The following NBAS variants were observed in gnomAD, a reference collection of about 807,000 sequenced individuals.
The protein encoded by NBAS is NBAS subunit of NRZ tethering complex.
Under a neutral mutation model 302.5 loss-of-function variants are expected in NBAS, and 219 were observed. That is an observed-to-expected ratio of 0.72 (90% CI 0.65 to 0.81). The LOEUF (loss-of-function observed/expected upper bound fraction) is 0.81. Among genes scored for constraint, NBAS ranks in the 30% least tolerant of loss-of-function variants. The pLI is 0.00. For missense variants in NBAS, 2,932 were observed against 2,841.6 expected, an observed-to-expected ratio of 1.03 and a Z score of -0.72; for synonymous variants, 1,118 against 1,021.6, an observed-to-expected ratio of 1.09 and a Z score of -1.80.
At position 15,538,045 on chromosome 2, in the gene NBAS, G is replaced by A. The variant is rs535288396; in HGVS notation, c.513+1178C>T. Among the ~76,000 whole-genome samples, 167 of 152,044 alleles carry A rather than the reference G, an allele frequency of 1.1e-3. 1 individual carries two copies. The highest frequency in any genetic ancestry group is 1.9e-3 in the Non-Finnish European group (131 of 67,984). On this transcript the variant is annotated intron_variant, in intron 7 of 51. Coordinates refer to ENST00000281513, the MANE Select transcript of NBAS (RefSeq NM_015909.4). ...TTTCAAAAATTTAAAATCAAAGAAAGAGCATAAACTATCACATTAATAATG... is the reference window on the plus strand; with the variant it reads ...TTTCAAAAATTTAAAATCAAAGAAAAAGCATAAACTATCACATTAATAATG...
intron 31 of NBAS, among the ~76,000 whole-genome samples, chr2:15,367,013 G>A (rs1375987106): frequency 6.6e-6 from 1 of 152,062 alleles, no homozygotes; most frequent in Admixed American, 6.6e-5. Context: ...AAACGAGACA[G>A]TATTTGTCTC....
At chr2:15,457,721 AT>A (rs1324402002) in intron 21 of NBAS, among the ~76,000 whole-genome samples, 1 of 152,206 alleles carries the variant, frequency 6.6e-6, no homozygotes, top group African/African-American at 2.4e-5. Context: ...GCACCAACAA[AT>A]AGGACACTGC....
Position 15,402,237 on chromosome 2 carries a change from G to A in NBAS, c.3002C>T (p.Thr1001Ile), listed in dbSNP as rs1558306976. Residue 1001 changes from threonine to isoleucine, a missense_variant, in exon 26 of 52, where the codon ACC becomes ATC. By Grantham distance (89) the Thr-to-Ile change is moderately conservative. Transcript: ENST00000281513. ...ACAGAGTTGATCATTTCGTTCACAG[G>A]TATAGATGCACTCTAGTGCTATTGC... ...LMAIALECIY[T>I]CERNDQLCLC... 3.7e-6 allele frequency: 6 copies of A among 1,613,508 alleles called. No individual in the cohort carries two copies. Among genetic ancestry groups the A allele is most frequent in the Non-Finnish European group, 5.1e-6 (6 of 1,179,644 alleles).
the NBAS span, among the ~76,000 whole-genome samples, chr2:14,841,661 A>T: frequency 6.6e-6 from 1 of 151,976 alleles, no homozygotes; most frequent in Admixed American, 6.5e-5. Context: ...CACTCAATAC[A>T]GTCAACACCA....
rs114332352 is a variant in NBAS at position 15,355,275 on chromosome 2, T to C, written c.3931+1028A>G. Reference sequence around the variant, plus strand: ...CACATATTCTTCACATATTCAAGCATAGCCATGGAAAGCTGACAATTTAGT... The same window carrying C: ...CACATATTCTTCACATATTCAAGCACAGCCATGGAAAGCTGACAATTTAGT... On this transcript the variant is annotated intron_variant, in intron 33 of 51. Transcript: ENST00000281513. 3.0e-3 allele frequency among the ~76,000 whole-genome samples: 450 copies of C among 152,176 alleles called. 2 individuals are homozygous for C. Among genetic ancestry groups the C allele is most frequent in the African/African-American group, 0.01 (420 of 41,514 alleles).
intron 31 of NBAS, among the ~76,000 whole-genome samples, chr2:15,374,024 C>T (rs769727119): frequency 7.9e-5 from 12 of 152,118 alleles, no homozygotes; most frequent in Non-Finnish European, 1.5e-4. Context: ...ATAGATGAGA[C>T]AAGTGATTCT....
intron 3 of NBAS, among the ~76,000 whole-genome samples, 180 bp from the exon 4 acceptor site, chr2:15,554,318 A>G (rs941053129): frequency 3.3e-5 from 5 of 152,058 alleles, no homozygotes; most frequent in Admixed American, 2.6e-4. Context: ...TTGACCATAT[A>G]TATTTCTCTA....
intron 51 of NBAS, among the ~76,000 whole-genome samples, chr2:15,178,410 A>G (rs1262485370): frequency 6.6e-6 from 1 of 152,238 alleles, no homozygotes; most frequent in African/African-American, 2.4e-5. Context: ...TTAAATGAGA[A>G]GAGAAAGTTT....
At chr2:15,067,271 G>A in the NBAS span, among the ~76,000 whole-genome samples, 1 of 151,326 alleles carries the variant, frequency 6.6e-6, no homozygotes, top group African/African-American at 2.4e-5. Context: ...CTTAAGCCTG[G>A]GAGGTCAACG....
intron 9 of NBAS, among the ~76,000 whole-genome samples, chr2:15,515,946 A>C (rs531174500): frequency 6.6e-6 from 1 of 152,320 alleles, no homozygotes; most frequent in East Asian, 1.9e-4. Flanking sequence ...TCTTCACTCT[A>C]TGTTTCAGCA....
intron 44 of NBAS, among the ~76,000 whole-genome samples, chr2:15,260,041 T>C (rs1197020171): frequency 1.3e-5 from 2 of 152,220 alleles, no homozygotes; most frequent in East Asian, 3.8e-4. Flanking sequence ...TTCTTGTATG[T>C]TTTTAAGTGA....
At chr2:15,403,992 C>T (rs145210974) in intron 25 of NBAS, among the ~76,000 whole-genome samples, 367 of 151,456 alleles carry the variant, frequency 2.4e-3, no homozygotes, top group African/African-American at 8.2e-3. Context: ...CCTCCTGCCT[C>T]GACTTCCCAA....
intron 28 of NBAS, among the ~76,000 whole-genome samples, chr2:15,389,837 C>G (rs1675499804): frequency 6.6e-6 from 1 of 152,192 alleles, no homozygotes; most frequent in African/African-American, 2.4e-5. Flanking sequence ...TGGCTCACTG[C>G]TGAGATGACT....
At position 15,383,308 on chromosome 2, in the gene NBAS, A is replaced by G. The variant is rs1254072726; in HGVS notation, c.3267T>C (p.Pro1089=). Residue 1089 remains proline (P), a synonymous_variant, in exon 29 of 52, where the codon CCT becomes CCC. Transcript: ENST00000281513. ...ACGTTCTCCAATGAGACTCACTGAC[A>G]GGAGGCTGCCTGGAAAAACACATAA... The part of the protein sequence containing the change: ...LTRHTGRKQP[P]VSESHWRTLL... The G allele has an allele frequency of 6.2e-7, 1 of 1,613,878 alleles. No homozygotes were observed. The highest frequency in any genetic ancestry group is 1.7e-5 in the Admixed American group (1 of 60,014).
chr2:15,163,156 G>C (rs1235525895), downstream of NBAS, among the ~76,000 whole-genome samples: 2 of 152,098 alleles, frequency 1.3e-5, no homozygotes, highest in Non-Finnish European at 2.9e-5. Flanking sequence ...TTAAAAATTG[G>C]GTCCCTTCTT....
chr2:14,812,026 G>A, the NBAS span, among the ~76,000 whole-genome samples: 1 of 152,174 alleles, frequency 6.6e-6, no homozygotes, highest in African/African-American at 2.4e-5. Context: ...TCTGTTTGTT[G>A]GCCAAGTGGT....
the NBAS span, among the ~76,000 whole-genome samples, chr2:15,033,325 C>T: frequency 6.6e-6 from 1 of 152,184 alleles, no homozygotes; most frequent in African/African-American, 2.4e-5. Flanking sequence ...TTCACACATT[C>T]ACAGCCAGAG....
chr2:15,052,079 G>A, the NBAS span, among the ~76,000 whole-genome samples: 1 of 152,146 alleles, frequency 6.6e-6, no homozygotes, highest in Non-Finnish European at 1.5e-5. Context: ...GCAGAGGCCA[G>A]ACTTTACTCA....
the NBAS span, among the ~76,000 whole-genome samples, chr2:15,042,508 A>G: frequency 6.6e-6 from 1 of 152,246 alleles, no homozygotes; most frequent in Non-Finnish European, 1.5e-5. Flanking sequence ...GAGAGAAGAA[A>G]GGGCACACCA....
Sources: allele counts gnomAD v4.1 joint callset (sites outside exome capture counted in the v4.1 genomes callset), GRCh38; gene constraint gnomAD v4.1.1; transcripts MANE v1.5; gene names NCBI Gene and HGNC (gene_info 2026-07-23, HGNC 2026-07-21).